DOP1B: variants seen among roughly 807,000 people sequenced by gnomAD.
DOP1B encodes protein DOP1B.
In DOP1B, 174 loss-of-function variants were observed where a neutral mutation model predicts 233.5. The ratio of observed to expected loss-of-function variants is 0.75; its 90% CI spans 0.66 to 0.85. The LOEUF is 0.85. Among genes scored for constraint, DOP1B ranks in the 40% least tolerant of loss-of-function variants. DOP1B has a pLI of 0.00. For synonymous variants in DOP1B, 1,190 were observed against 1,185.6 expected, an observed-to-expected ratio of 1.00 and a Z score of -0.08; for missense variants, 2,652 against 2,846.6, an observed-to-expected ratio of 0.93 and a Z score of 1.56.
intron 2 of DOP1B, chr21:36,170,199 C>T (rs756046707): frequency 8.6e-5 from 37 of 432,256 alleles, no homozygotes; most frequent in Non-Finnish European, 1.3e-4. Flanking sequence ...CAAATTCCAC[C>T]GGTAGAGCTC....
At chr21:36,158,672 A>T (rs1439727769) in intron 1 of DOP1B, among the ~76,000 whole-genome samples, 1 of 151,798 alleles carries the variant, frequency 6.6e-6, no homozygotes, top group African/African-American at 2.4e-5. Context: ...GCGTGGTGGC[A>T]TGCGCCTGTA....
At chr21:36,263,948 C>A in intron 26 of DOP1B, 134 bp downstream of exon 26, 1 of 914,778 alleles carries the variant, frequency 1.1e-6, no homozygotes, top group Non-Finnish European at 1.7e-6. Flanking sequence ...GTTCTCAAGT[C>A]TTACTTCTGC....
intron 21 of DOP1B, among the ~76,000 whole-genome samples, chr21:36,250,095 G>T (rs1225634553): frequency 6.6e-6 from 1 of 152,100 alleles, no homozygotes; most frequent in Non-Finnish European, 1.5e-5. Flanking sequence ...TTACGATAAA[G>T]GCCGATGCTC....
At chr21:36,162,990 G>A (rs895764782) in intron 1 of DOP1B, among the ~76,000 whole-genome samples, 11 of 152,106 alleles carry the variant, frequency 7.2e-5, no homozygotes, top group African/African-American at 2.4e-4. Flanking sequence ...GTGGTCTGCC[G>A]CAGAGTGCTA....
Position 36,289,072 on chromosome 21 carries a change from A to C in DOP1B, c.6381A>C (p.Lys2127Asn), listed in dbSNP as rs747461595. The C allele has an allele frequency of 1.2e-6, 2 of 1,612,278 alleles. No homozygotes were observed. Among genetic ancestry groups the C allele is most frequent in the East Asian group, 4.5e-5 (2 of 44,884 alleles). Residue 2127 changes from lysine (K) to asparagine (N), a missense_variant, in exon 35 of 37, where the codon AAA becomes AAC. Around this residue, in one of 3 missense-constraint regions of DOP1B, gnomAD observed 2,617 missense variants for 2,794.3 expected, o/e 0.94. Transcript: ENST00000691173. ...GCACCAACAAAGTAAACAGAACGAAAGTTTCAGTCCCGGATGCAAATGGAC... is the reference window on the plus strand; with the variant it reads ...GCACCAACAAAGTAAACAGAACGAACGTTTCAGTCCCGGATGCAAATGGAC... ...LRSTNKVNRT[K>N]VSVPDANGPS...
chr21:36,176,097 C>CATGTGTGTGTGTGTGTGTGTGTGT (rs1555886144), intron 2 of DOP1B, among the ~76,000 whole-genome samples: 10,667 of 141,762 alleles, frequency 0.075, 478 homozygotes, highest in East Asian at 0.13. Flanking sequence ...GGTGTGTGTG[C>CATGTGTGTGTGTGTGTGTGTGTGT]GTGTGTGTGT....
chr21:36,219,575 A>G (rs1400771971), intron 10 of DOP1B, 83 bp downstream of exon 10: 7 of 1,559,692 alleles, frequency 4.5e-6, no homozygotes, highest in African/African-American at 1.4e-5. Context: ...CTTACTATAA[A>G]TTGTGAAGTG....
At chr21:36,161,538 G>A (rs2065869649) in intron 1 of DOP1B, among the ~76,000 whole-genome samples, 1 of 152,066 alleles carries the variant, frequency 6.6e-6, no homozygotes, top group South Asian at 2.1e-4. Context: ...TTTGAGACAG[G>A]GTCTTGCCAT....
chr21:36,288,663 A>T (rs2067516992), intron 33 of DOP1B, 93 bp from the exon 34 acceptor site: 9 of 960,274 alleles, frequency 9.4e-6, no homozygotes, highest in Non-Finnish European at 1.3e-5. Flanking sequence ...TCATTCATTC[A>T]TAAATTAATC....
chr21:36,161,138 T>G lies in DOP1B; in HGVS notation c.-26-3570T>G, dbSNP rs575030769. Among the ~76,000 whole-genome samples, 599 of 151,518 alleles carry G rather than the reference T, an allele frequency of 4.0e-3. 3 individuals are homozygous for G. The highest frequency in any genetic ancestry group is 9.5e-3 in the African/African-American group (392 of 41,216). On this transcript the variant is annotated intron_variant, in intron 1 of 36. Coordinates refer to ENST00000691173, the MANE Select transcript of DOP1B (RefSeq NM_001320714.2). ...ATTGAGAGTTTACTGTTGTTTTTTT[T>G]TGTGTGTGTGTTTTGTTTTTTGGTG... is the stretch of plus-strand genomic sequence containing the variant.
chr21:36,170,707 A>C (rs1490201855), intron 2 of DOP1B: 2 of 151,438 alleles, frequency 1.3e-5, no homozygotes, highest in African/African-American at 4.9e-5. Flanking sequence ...AAGTAGGAGG[A>C]TCGCTTGAGC....
rs752525719 is a variant in DOP1B at position 36,199,088 on chromosome 21, A to C, written c.157A>C (p.Arg53=). 3.1e-6 allele frequency: 5 copies of C among 1,613,010 alleles called. No individual in the cohort carries two copies. Among genetic ancestry groups the C allele is most frequent in the African/African-American group, 1.3e-5 (1 of 74,818 alleles). The change falls in exon 3 of 37, where the codon AGG becomes CGG. Residue 53 remains arginine, a synonymous_variant. Transcript: ENST00000691173. ...KLNKALQSNL[R]YSLLPRRLLI... ...TTGACAGGCTCTTCAGAGTAACCTG[A>C]GGTACTCCTTGTTGCCAAGACGGCT...
At chr21:36,185,549 C>G (rs553502264) in intron 2 of DOP1B, among the ~76,000 whole-genome samples, 1 of 152,336 alleles carries the variant, frequency 6.6e-6, no homozygotes, top group African/African-American at 2.4e-5. Context: ...CAAAGGCTTG[C>G]TTGCAGCTTC....
chr21:36,182,778 A>G (rs750122216), intron 2 of DOP1B, among the ~76,000 whole-genome samples: 2 of 152,204 alleles, frequency 1.3e-5, no homozygotes, highest in African/African-American at 2.4e-5. Context: ...ACAGTGAGCC[A>G]TGTTTGCACA....
chr21:36,162,817 A>G (rs1296957909), intron 1 of DOP1B, among the ~76,000 whole-genome samples: 2 of 152,050 alleles, frequency 1.3e-5, no homozygotes, highest in African/African-American at 4.8e-5. Flanking sequence ...AAGTGCTGAG[A>G]TTACAGGTGT....
intron 4 of DOP1B, among the ~76,000 whole-genome samples, chr21:36,202,486 A>T (rs368693656): frequency 2.1e-4 from 32 of 152,260 alleles, no homozygotes; most frequent in East Asian, 1.4e-3. Flanking sequence ...GGGGTGCAGG[A>T]GGCTGGAGTC....
intron 16 of DOP1B, among the ~76,000 whole-genome samples, chr21:36,237,901 C>T (rs953723530): frequency 1.3e-5 from 2 of 152,146 alleles, no homozygotes; most frequent in Non-Finnish European, 2.9e-5. Context: ...GGTGCAGTGA[C>T]TCACGCCTGT....
At chr21:36,177,566 T>TG (rs573425710) in intron 2 of DOP1B, among the ~76,000 whole-genome samples, 89 of 152,176 alleles carry the variant, frequency 5.8e-4, no homozygotes, top group African/African-American at 2.0e-3. Context: ...ATATTGGGGT[T>TG]GGGGGGGCCT....
chr21:36,246,357 T>C lies in DOP1B; in HGVS notation c.4377T>C (p.His1459=), dbSNP rs2123594327. ...TGGAACACCACCTGGGTCGGGCCCATGAGGAGGCGGAAAACCAGCCCGACC... is the reference window on the plus strand; with the variant it reads ...TGGAACACCACCTGGGTCGGGCCCACGAGGAGGCGGAAAACCAGCCCGACC... ...IVLEHHLGRA[H]EEAENQPDLS... is the part of the protein sequence containing the mutation. The change falls in exon 19 of 37, where the codon CAT becomes CAC. Residue 1459 remains histidine, a synonymous_variant. Coordinates refer to ENST00000691173, the MANE Select transcript of DOP1B (RefSeq NM_001320714.2). The surrounding 1 kb of genome is among the most constrained non-coding windows in gnomAD (Gnocchi z 5.1). 6.2e-7 allele frequency: 1 copy of C among 1,613,644 alleles called. No homozygotes were observed. The highest frequency in any genetic ancestry group is 8.5e-7 in the Non-Finnish European group (1 of 1,179,910).
Sources: allele counts gnomAD v4.1 joint callset (sites outside exome capture counted in the v4.1 genomes callset), GRCh38; gene constraint gnomAD v4.1.1; regional missense constraint gnomAD v4.1.1; non-coding constraint Gnocchi (gnomAD v3.1); transcripts MANE v1.5; gene names NCBI Gene and HGNC (gene_info 2026-07-23, HGNC 2026-07-21).